Variants in IDUA observed in about 807,000 individuals in gnomAD.
IDUA encodes iduronidase alpha-L-.
IDUA carries 65 observed loss-of-function variants against 68.9 expected under a neutral mutation model. That is an observed-to-expected ratio of 0.94 (90% confidence interval 0.77 to 1.16). The LOEUF is 1.16. Among genes scored for constraint, IDUA ranks in the 50% most tolerant of loss-of-function variants. IDUA has a pLI of 0.00. For synonymous variants in IDUA, 529 were observed against 433.6 expected (o/e 1.22, Z -2.73); for missense variants, 1,046 against 938.0 (o/e 1.12, Z -1.50).
Position 1,003,583 on chromosome 4 carries a change from G to C in IDUA, c.1685G>C (p.Gly562Ala). 6.2e-7 allele frequency: 1 copy of C among 1,612,388 alleles called. No homozygotes were observed. The highest frequency in any genetic ancestry group is 8.5e-7 in the Non-Finnish European group (1 of 1,179,818). The change falls in exon 12 of 14, where the codon GGG (glycine) becomes GCG (alanine). Residue 562 changes from glycine (G) to alanine (A), a missense_variant. Gly to Ala is a moderately conservative substitution (Grantham distance 60, BLOSUM62 0). Coordinates refer to ENST00000514224, the MANE Select transcript of IDUA (RefSeq NM_000203.5). ...CTCCGCGCCCTGCCCCTGACCCAAG[G>C]GCAGCTGGTTCTGGTCTGGTCGGAT... ...TRLRALPLTQGQLVLVWSDEH... is the reference protein window; with the variant it reads ...TRLRALPLTQAQLVLVWSDEH...
chr4:991,019 C>T (rs1714254570), intron 2 of IDUA: 3 of 1,159,808 alleles, frequency 2.6e-6, no homozygotes, highest in Non-Finnish European at 3.6e-6. Flanking sequence ...CTTGGGCCAG[C>T]ACCTCCTCTG....
At chr4:991,887 C>T (rs1560539141) in intron 2 of IDUA, 1 of 1,364,468 alleles carries the variant, frequency 7.3e-7, no homozygotes, top group East Asian at 2.5e-5. Context: ...GCCCCAGCCC[C>T]CTGCCCGGTA....
In IDUA at chr4:1,004,028, G is replaced by A. The variant is rs762037549; in HGVS notation, c.1744G>A (p.Glu582Lys). 10 of 1,611,692 alleles carry A rather than the reference G, an allele frequency of 6.2e-6. No individual in the cohort carries two copies. Among genetic ancestry groups the A allele is most frequent in the African/African-American group, 2.7e-5 (2 of 74,290 alleles). ...HVGSKCLWTY[E>K]IQFSQDGKAY... is the part of the protein sequence containing the mutation. ...CCTCCCCAGGTGCCTGTGGACATAC[G>A]AGATCCAGTTCTCTCAGGACGGTAA... Residue 582 changes from glutamate (E) to lysine (K), a missense_variant, in exon 13 of 14, where the codon GAG (glutamate) becomes AAG (lysine). Coordinates refer to ENST00000514224, the MANE Select transcript of IDUA (RefSeq NM_000203.5). The surrounding 1 kb of genome is among the most constrained non-coding windows in gnomAD (Gnocchi z 5.0).
At chr4:997,946 T>C (rs954961377) in intron 2 of IDUA, among the ~76,000 whole-genome samples, 3 of 152,238 alleles carry the variant, frequency 2.0e-5, no homozygotes, top group East Asian at 3.9e-4. Flanking sequence ...GGCTATCGCC[T>C]TGGGGTTCTG....
intron 2 of IDUA, chr4:990,339 C>T: frequency 6.2e-7 from 1 of 1,602,872 alleles, no homozygotes; most frequent in Non-Finnish European, 8.5e-7. Flanking sequence ...ACACGAAGCC[C>T]AGCCGGAGGA....
At chr4:990,665 A>G in intron 2 of IDUA, 1 of 460,516 alleles carries the variant, frequency 2.2e-6, no homozygotes, top group Non-Finnish European at 3.9e-6. Context: ...GACCTCTGGT[A>G]TCAGAAGGCA....
At chr4:990,418 C>G in intron 2 of IDUA, 1 of 1,490,230 alleles carries the variant, frequency 6.7e-7, no homozygotes, top group South Asian at 1.3e-5. Flanking sequence ...ACCTGCCCCT[C>G]ACCAGCACCT....
Position 1,002,116 on chromosome 4 carries a change from A to T in IDUA, c.927A>T (p.Pro309=). 1 of 1,570,402 alleles carries T rather than the reference A, an allele frequency of 6.4e-7. No homozygotes were observed. Among genetic ancestry groups the T allele is most frequent in the Non-Finnish European group, 8.6e-7 (1 of 1,158,660 alleles). The part of the protein sequence containing the change: ...EADPLVGWSL[P]QPWRADVTYA... ...ACCCGCTGGTGGGCTGGTCCCTGCCACAGCCGTGGAGGGCGGACGTGACCT... is the reference window on the plus strand; with the variant it reads ...ACCCGCTGGTGGGCTGGTCCCTGCCTCAGCCGTGGAGGGCGGACGTGACCT... The change falls in exon 7 of 14, where the codon CCA becomes CCT. Residue 309 remains proline (P), a synonymous_variant. Transcript: ENST00000514224.
At chr4:990,463 A>T in intron 2 of IDUA, 1 of 1,172,870 alleles carries the variant, frequency 8.5e-7, no homozygotes, top group Non-Finnish European at 1.2e-6. Flanking sequence ...ACGGCACAGG[A>T]CCTGACAATT....
Position 1,000,916 on chromosome 4 carries a change from C to T in IDUA, c.420C>T (p.Phe140=). The change falls in exon 4 of 14, where the codon TTC becomes TTT. Residue 140 remains phenylalanine, a synonymous_variant. Transcript: ENST00000514224. ...TGATGGGCAGCGCCTCGGGCCACTT[C>T]ACTGACTTTGAGGACAAGCAGCAGG... ...FELMGSASGH[F]TDFEDKQQVF... is the part of the protein sequence containing the mutation. 6.2e-7 allele frequency: 1 copy of T among 1,613,486 alleles called. No homozygotes were observed.
In IDUA at chr4:1,004,482, C is replaced by A; in HGVS notation, c.*89C>A. ...GCCCATGCTGCCCTCCCATCACCCC[C>A]TTTGCAATATATTTTTATATTTTAT... On this transcript the variant is annotated 3_prime_UTR_variant, in exon 14 of 14. Coordinates refer to ENST00000514224, the MANE Select transcript of IDUA (RefSeq NM_000203.5). The surrounding 1 kb of genome is among the most constrained non-coding windows in gnomAD (Gnocchi z 5.0). The A allele has an allele frequency of 8.0e-7, 1 of 1,251,400 alleles. No individual in the cohort carries two copies. The highest frequency in any genetic ancestry group is 1.1e-6 in the Non-Finnish European group (1 of 896,582). 77.5% of individuals were successfully genotyped at this position (1,251,400 alleles called of 1,614,324 possible).
At chr4:988,004 G>A in intron 2 of IDUA, 55 bp downstream of exon 2, 1 of 1,523,548 alleles carries the variant, frequency 6.6e-7, no homozygotes, top group Non-Finnish European at 8.9e-7. Context: ...GGCACAGATG[G>A]GAGGGGAGGG....
intron 2 of IDUA, chr4:991,373 T>A: frequency 6.2e-7 from 1 of 1,612,494 alleles, no homozygotes; most frequent in Non-Finnish European, 8.5e-7. Context: ...AGGAAGTAGA[T>A]GAGGTTGGCG....
chr4:987,298 C>T (rs1053213096), intron 1 of IDUA, 56 bp downstream of exon 1: 52 of 1,452,982 alleles, frequency 3.6e-5, no homozygotes, highest in Non-Finnish European at 4.5e-5. Context: ...GCTCGGGCGC[C>T]CCCTGACTGC....
intron 2 of IDUA, chr4:990,787 G>A (rs1714228247): frequency 2.6e-6 from 1 of 391,190 alleles, no homozygotes; most frequent in Non-Finnish European, 4.6e-6. Flanking sequence ...GGGTGGGGAG[G>A]CCATCCCCCA....
chr4:990,156 C>T lies in IDUA; in HGVS notation c.299+2207C>T, dbSNP rs952477347. 5.8e-6 allele frequency: 9 copies of T among 1,564,292 alleles called. No homozygotes were observed. The highest frequency in any genetic ancestry group is 5.4e-5 in the African/African-American group (4 of 73,912). On this transcript the variant is annotated intron_variant, in intron 2 of 13. Transcript: ENST00000514224. ...ACACCGTGCTGGTGACCACGTCGCA[C>T]ACGTTGGCCTGCCCGGCGCCGCGCA...
chr4:994,016 C>T (rs561949333), intron 2 of IDUA, among the ~76,000 whole-genome samples: 7 of 152,270 alleles, frequency 4.6e-5, no homozygotes, highest in Non-Finnish European at 1.0e-4. Context: ...CTCACGGCTC[C>T]TCTGCCCTCC....
At chr4:1,002,547 G>T in intron 8 of IDUA, 62 bp downstream of exon 8, 1 of 1,376,400 alleles carries the variant, frequency 7.3e-7, no homozygotes, top group Non-Finnish European at 9.4e-7. Flanking sequence ...CGGCTCCTGC[G>T]AAGGCCCCGC....
intron 2 of IDUA, 65 bp downstream of exon 2, chr4:988,014 G>T: frequency 1.3e-6 from 2 of 1,510,630 alleles, no homozygotes; most frequent in East Asian, 2.5e-5. Context: ...GGAGGGGAGG[G>T]CTGGGGGCTG....
Sources: gnomAD v4.1 joint callset for allele counts (sites outside exome capture counted in the v4.1 genomes callset) on GRCh38, gnomAD v4.1.1 for gene constraint, Gnocchi (gnomAD v3.1) non-coding constraint, MANE v1.5 for transcripts, NCBI Gene and HGNC (gene_info 2026-07-23, HGNC 2026-07-21) for gene names.